The following CDH4 variants were observed in gnomAD, a reference collection of about 807,000 sequenced individuals.
CDH4 encodes the protein cadherin-4.
Under a neutral mutation model 86.0 loss-of-function variants are expected in CDH4, and 33 were observed. The ratio of observed to expected loss-of-function variants is 0.38; its 90% CI spans 0.29 to 0.51. The LOEUF (loss-of-function observed/expected upper bound fraction) is 0.51, where lower values mean the gene tolerates loss of function less well. Among genes scored for constraint, CDH4 ranks in the 20% least tolerant of loss-of-function variants. The pLI, the probability that CDH4 is intolerant of heterozygous loss-of-function variation, is 0.86. For synonymous variants in CDH4, 555 were observed against 549.4 expected (o/e 1.01, Z -0.14); for missense variants, 1,114 against 1,307.4 (o/e 0.85, Z 2.28).
chr20:61,665,110 C>G (rs371762395), intron 2 of CDH4, among the ~76,000 whole-genome samples: 11 of 152,170 alleles, frequency 7.2e-5, no homozygotes, highest in Non-Finnish European at 1.6e-4. Context: ...GGAGGTGGGA[C>G]GAGTTGAGAA....
chr20:61,273,868 G>C (rs1401982704), intron 2 of CDH4, among the ~76,000 whole-genome samples: 2 of 149,520 alleles, frequency 1.3e-5, no homozygotes, highest in Non-Finnish European at 3.0e-5. Flanking sequence ...GTTTGGAGGA[G>C]TATTGTGTGC....
At chr20:61,936,421 C>CT (rs1418383985) in intron 15 of CDH4, among the ~76,000 whole-genome samples, 1 of 26,116 alleles carries the variant, frequency 3.8e-5, no homozygotes, top group East Asian at 1.5e-3. Context: ...CTCCCACACC[C>CT]CCCCCCCCAT....
chr20:61,832,760 AT>A (rs1232875628), intron 4 of CDH4, among the ~76,000 whole-genome samples: 4 of 152,098 alleles, frequency 2.6e-5, no homozygotes, highest in Non-Finnish European at 5.9e-5. Context: ...TCAAGATGAG[AT>A]TCGGGTGGGG....
At chr20:61,863,060 T>C (rs1251679856) in intron 6 of CDH4, among the ~76,000 whole-genome samples, 1 of 152,218 alleles carries the variant, frequency 6.6e-6, no homozygotes, top group African/African-American at 2.4e-5. Context: ...CCTCAGTGAT[T>C]TGAACAGAAA....
intron 2 of CDH4, among the ~76,000 whole-genome samples, chr20:61,329,675 TAA>T (rs78527846): frequency 2.6e-5 from 4 of 151,358 alleles, no homozygotes; most frequent in African/African-American, 7.3e-5. Context: ...ATTGTCACTT[TAA>T]AAAAAAAATT....
intron 4 of CDH4, among the ~76,000 whole-genome samples, chr20:61,797,160 TG>T (rs1979576724): frequency 6.6e-6 from 1 of 151,934 alleles, no homozygotes; most frequent in Admixed American, 6.5e-5. Context: ...AGAACAATAA[TG>T]CCGTTGCCAA....
At chr20:61,459,421 G>C (rs2085429318) in intron 2 of CDH4, among the ~76,000 whole-genome samples, 1 of 151,788 alleles carries the variant, frequency 6.6e-6, no homozygotes, top group Non-Finnish European at 1.5e-5. Context: ...TCACACTGCA[G>C]TTCTTCACTG....
chr20:61,672,365 G>T (rs925914623), intron 2 of CDH4, among the ~76,000 whole-genome samples: 5 of 152,156 alleles, frequency 3.3e-5, no homozygotes, highest in Non-Finnish European at 5.9e-5. Context: ...AGGATTGTGT[G>T]CCAGGTGCTG....
chr20:61,781,789 A>G (rs1978560638), intron 4 of CDH4, among the ~76,000 whole-genome samples: 1 of 152,236 alleles, frequency 6.6e-6, no homozygotes, highest in South Asian at 2.1e-4. Context: ...GGTAGGAGAA[A>G]TACAAAGAAC....
chr20:61,405,553 G>A (rs1161364137), intron 2 of CDH4, among the ~76,000 whole-genome samples: 3 of 152,106 alleles, frequency 2.0e-5, no homozygotes, highest in South Asian at 2.1e-4. Flanking sequence ...ATATTCTCAT[G>A]TCTGCCACAG....
chr20:61,544,938 A>C lies in CDH4; in HGVS notation c.170-198625A>C, dbSNP rs2086066847. Among the ~76,000 whole-genome samples the C allele has an allele frequency of 6.6e-6, 1 of 152,166 alleles. No individual in the cohort carries two copies. Among genetic ancestry groups the C allele is most frequent in the Non-Finnish European group, 1.5e-5 (1 of 68,030 alleles). Reference sequence around the variant, plus strand: ...AATCAAATGTATGTGATAAGTAATTAGATATCCAGGTAGACAAGTAGGGTG... The same window carrying C: ...AATCAAATGTATGTGATAAGTAATTCGATATCCAGGTAGACAAGTAGGGTG... On this transcript the variant is annotated intron_variant, in intron 2 of 15. Transcript: ENST00000614565. The surrounding 1 kb of genome is among the most constrained non-coding windows in gnomAD (Gnocchi z 6.5).
chr20:61,913,641 C>T (rs918947153), intron 9 of CDH4, among the ~76,000 whole-genome samples: 1 of 152,244 alleles, frequency 6.6e-6, no homozygotes, highest in Non-Finnish European at 1.5e-5. Context: ...GAACTGATTC[C>T]TGAGATGGGA....
rs143034935 is a variant in CDH4 at position 61,750,119 on chromosome 20, CTG to C, written c.396+6331_396+6332del. 6.5e-3 allele frequency among the ~76,000 whole-genome samples: 994 copies of C among 152,046 alleles called. 14 individuals are homozygous for C. The highest frequency in any genetic ancestry group is 0.023 in the African/African-American group (948 of 41,492). ...TCATCTCAAGAAACTATAAAAATAA[CTG>C]AAAATGAGACCCAAAGTCTAAAGAA... On this transcript the variant is annotated intron_variant, in intron 3 of 15. Transcript: ENST00000614565.
At position 61,252,736 on chromosome 20, in the gene CDH4, G is replaced by A. The variant is rs1015899994; in HGVS notation, c.57+166G>A. ...CCCGCGCTCGGCGAAGCTGCCTGCG[G>A]TCGGCAGGAGCGGGAAGCCGCCTGG... On this transcript the variant is annotated intron_variant, in intron 1 of 15. Transcript: ENST00000614565. This position sits in a 1 kb window ranked among gnomAD's most constrained non-coding sequence, Gnocchi z 4.4. Among the ~76,000 whole-genome samples the A allele has an allele frequency of 4.6e-5, 7 of 151,486 alleles. No homozygotes were observed. The highest frequency in any genetic ancestry group is 1.0e-4 in the Non-Finnish European group (7 of 67,774).
At chr20:61,729,901 T>A (rs983613096) in intron 2 of CDH4, among the ~76,000 whole-genome samples, 1 of 152,234 alleles carries the variant, frequency 6.6e-6, no homozygotes, top group Non-Finnish European at 1.5e-5. Flanking sequence ...TGTTTTACTT[T>A]ATAATGGGAT....
intron 2 of CDH4, among the ~76,000 whole-genome samples, chr20:61,424,480 CATA>C (rs1458120504): frequency 1.3e-5 from 2 of 152,062 alleles, no homozygotes; most frequent in Admixed American, 6.5e-5. Flanking sequence ...CATATCCACA[CATA>C]GCACACACAT....
At chr20:61,273,635 G>A (rs1424920741) in intron 2 of CDH4, among the ~76,000 whole-genome samples, 2 of 146,020 alleles carry the variant, frequency 1.4e-5, no homozygotes, top group Non-Finnish European at 3.0e-5. Flanking sequence ...ACTGCGTGCA[G>A]TTTTTTGGGG....
At chr20:61,317,416 A>G (rs1265669475) in intron 2 of CDH4, among the ~76,000 whole-genome samples, 1 of 152,198 alleles carries the variant, frequency 6.6e-6, no homozygotes, top group African/African-American at 2.4e-5. Flanking sequence ...TGTAAATTCT[A>G]TCAAATCTGT....
intron 2 of CDH4, among the ~76,000 whole-genome samples, chr20:61,588,441 G>C (rs115740620): frequency 0.015 from 2,234 of 152,276 alleles, 48 homozygotes; most frequent in African/African-American, 0.042. Flanking sequence ...ACCAGCTCTA[G>C]GCCCTTTGCA....
Sources: gnomAD v4.1 joint callset for allele counts (sites outside exome capture counted in the v4.1 genomes callset) on GRCh38, gnomAD v4.1.1 for gene constraint, Gnocchi (gnomAD v3.1) non-coding constraint, MANE v1.5 for transcripts, NCBI Gene and HGNC (gene_info 2026-07-23, HGNC 2026-07-21) for gene names.